The following GRAMD1C variants were observed in gnomAD, a reference collection of about 807,000 sequenced individuals.
GRAMD1C encodes the protein protein Aster-C.
In GRAMD1C, 89 loss-of-function variants were observed where a neutral mutation model predicts 97.8. That is an observed-to-expected ratio of 0.91 (90% CI 0.77 to 1.09). The LOEUF (loss-of-function observed/expected upper bound fraction) is 1.09, where lower values mean the gene tolerates loss of function less well. Ranked by LOEUF, GRAMD1C falls within the 50% of genes least tolerant of loss-of-function variation. The probability of loss-of-function intolerance (pLI) is 0.00; values close to 1 mark genes in which losing one functional copy is unlikely to be tolerated. For synonymous variants in GRAMD1C, 256 were observed against 267.0 expected, an observed-to-expected ratio of 0.96 and a Z score of 0.40; for missense variants, 740 against 766.4, an observed-to-expected ratio of 0.97 and a Z score of 0.41.
At chr3:113,880,329 A>C (rs1210687034) in intron 5 of GRAMD1C, among the ~76,000 whole-genome samples, 2 of 152,136 alleles carry the variant, frequency 1.3e-5, no homozygotes, top group Non-Finnish European at 2.9e-5. Flanking sequence ...TTTTATTTAC[A>C]TACAGGCATG....
At chr3:113,843,827 T>C (rs951648754) in intron 1 of GRAMD1C, among the ~76,000 whole-genome samples, 14 of 152,352 alleles carry the variant, frequency 9.2e-5, no homozygotes, top group African/African-American at 3.1e-4. Context: ...AATTTCTCTA[T>C]TGATGGACGG....
chr3:113,831,584 A>G (rs186735542), intron 1 of GRAMD1C, among the ~76,000 whole-genome samples: 37 of 152,196 alleles, frequency 2.4e-4, no homozygotes, highest in Admixed American at 1.0e-3. Flanking sequence ...AGTGTCTTAC[A>G]GGTCTTATGG....
At chr3:113,922,156 C>T (rs1287692633) in intron 10 of GRAMD1C, among the ~76,000 whole-genome samples, 2 of 152,050 alleles carry the variant, frequency 1.3e-5, no homozygotes, top group African/African-American at 4.8e-5. Flanking sequence ...ACTGCAGCCT[C>T]AACCTCCTGG....
At chr3:113,876,135 A>G (rs749895829) in intron 4 of GRAMD1C, 30 bp from the exon 5 acceptor site, 4 of 1,030,418 alleles carry the variant, frequency 3.9e-6, no homozygotes, top group Non-Finnish European at 6.1e-6. Context: ...TTTCTGAAAA[A>G]TACATTAAAA....
At chr3:113,887,472 G>A (rs1162796660) in intron 6 of GRAMD1C, among the ~76,000 whole-genome samples, 2 of 151,922 alleles carry the variant, frequency 1.3e-5, no homozygotes, top group African/African-American at 2.4e-5. Context: ...AGGCCGAGGT[G>A]GGTGGGTCAC....
chr3:113,868,979 C>CA (rs1559785882), intron 2 of GRAMD1C, among the ~76,000 whole-genome samples: 1 of 151,994 alleles, frequency 6.6e-6, no homozygotes, highest in African/African-American at 2.4e-5. Flanking sequence ...TGGATTGGTA[C>CA]AGAGTTTTCC....
At chr3:113,847,926 A>G (rs150218969) in intron 2 of GRAMD1C, among the ~76,000 whole-genome samples, 1 of 152,394 alleles carries the variant, frequency 6.6e-6, no homozygotes, top group African/African-American at 2.4e-5. Context: ...TAGGGATGTC[A>G]GAGCCATTTC....
intron 6 of GRAMD1C, among the ~76,000 whole-genome samples, chr3:113,900,815 T>C (rs1352831835): frequency 6.6e-6 from 1 of 152,180 alleles, no homozygotes; most frequent in Non-Finnish European, 1.5e-5. Context: ...AAAATCATTT[T>C]ATCTATTCCT....
rs200863476 is a variant in GRAMD1C at position 113,875,444 on chromosome 3, A to T, written c.260-40A>T. The T allele has an allele frequency of 2.4e-4, 210 of 868,598 alleles. No homozygotes were observed. The African/African-American group carries it at 3.1e-3, about 13-fold the overall frequency. 53.8% of individuals were successfully genotyped at this position (868,598 alleles called of 1,614,324 possible). A position where few individuals can be genotyped will look rare whatever the true frequency, so the allele number is the denominator to read the frequency against. ...AGTATAAGGTCTATTAATTTCTCAG[A>T]TTTTCGTGAATAAGCTGTATCTTAT... On this transcript the variant is annotated intron_variant, in intron 3 of 17. Coordinates refer to ENST00000358160, the MANE Select transcript of GRAMD1C (RefSeq NM_017577.5).
chr3:113,850,209 C>A, intron 2 of GRAMD1C: 1 of 500,520 alleles, frequency 2.0e-6, no homozygotes, highest in South Asian at 1.5e-5. Context: ...TACGTTTATT[C>A]AATGCAAAAT....
chr3:113,942,886 G>C (rs946833011), intron 17 of GRAMD1C, among the ~76,000 whole-genome samples: 6 of 152,116 alleles, frequency 3.9e-5, no homozygotes, highest in African/African-American at 1.4e-4. Context: ...GCCTTTTGAG[G>C]ATTCTTTAGG....
intron 10 of GRAMD1C, among the ~76,000 whole-genome samples, chr3:113,925,681 C>T (rs550702427): frequency 7.2e-5 from 11 of 152,240 alleles, no homozygotes; most frequent in African/African-American, 1.4e-4. Flanking sequence ...TGTCAATGGT[C>T]TATGTACTTA....
At chr3:113,911,173 G>GAGACACACACACACACACACAC (rs375233107) in intron 9 of GRAMD1C, among the ~76,000 whole-genome samples, 18 of 147,534 alleles carry the variant, frequency 1.2e-4, no homozygotes, top group East Asian at 6.0e-4. Flanking sequence ...CAGAGAGAGA[G>GAGACACACACACACACACACAC]ACACACACAC....
chr3:113,920,532 G>C (rs1559815984), intron 10 of GRAMD1C, among the ~76,000 whole-genome samples: 2 of 151,804 alleles, frequency 1.3e-5, no homozygotes, highest in African/African-American at 2.4e-5. Flanking sequence ...AAAATTAGGG[G>C]GTCTTTATTT....
intron 2 of GRAMD1C, among the ~76,000 whole-genome samples, chr3:113,868,034 G>A (rs747897529): frequency 1.2e-4 from 19 of 152,086 alleles, no homozygotes; most frequent in East Asian, 9.6e-4. Flanking sequence ...TTAAGTTCAC[G>A]TATTCTTTCT....
chr3:113,929,355 G>A (rs776315207), intron 10 of GRAMD1C, among the ~76,000 whole-genome samples: 14 of 152,128 alleles, frequency 9.2e-5, no homozygotes, highest in Non-Finnish European at 1.6e-4. Context: ...GTTTCAAGAT[G>A]ATGTTAATTA....
intron 6 of GRAMD1C, among the ~76,000 whole-genome samples, chr3:113,897,071 C>G (rs1000141162): frequency 1.3e-5 from 2 of 152,136 alleles, no homozygotes; most frequent in Non-Finnish European, 2.9e-5. Context: ...TAGAATTATT[C>G]CACCTGAACA....
chr3:113,874,803 T>C (rs1372917264), intron 3 of GRAMD1C, among the ~76,000 whole-genome samples: 1 of 152,220 alleles, frequency 6.6e-6, no homozygotes, highest in Non-Finnish European at 1.5e-5. Context: ...TGTCTCTTAC[T>C]ATGGTCACCT....
Position 113,935,501 on chromosome 3 carries a change from T to TAC in GRAMD1C, c.1457-749_1457-748dup, listed in dbSNP as rs918077510. Among the ~76,000 whole-genome samples, 795 of 105,672 alleles carry TAC rather than the reference T, an allele frequency of 7.5e-3. 2 individuals are homozygous for TAC. The highest frequency in any genetic ancestry group is 0.022 in the African/African-American group (721 of 33,256). The allele number at this position is 105,672 out of a possible 152,430, so 69.3% of individuals were successfully genotyped here. A position where few individuals can be genotyped will look rare whatever the true frequency, so the allele number is the denominator to read the frequency against. On this transcript the variant is annotated intron_variant, in intron 13 of 17. Transcript: ENST00000358160. ...TACATGCGAGAAATATATATATATA[T>TAC]ACACACACACACACACATATATGCA...
Sources: allele counts gnomAD v4.1 joint callset (sites outside exome capture counted in the v4.1 genomes callset), GRCh38; gene constraint gnomAD v4.1.1; transcripts MANE v1.5; gene names NCBI Gene and HGNC (gene_info 2026-07-23, HGNC 2026-07-21).